Variants in JMJD1C observed in about 807,000 individuals in gnomAD.
The protein encoded by JMJD1C is jumonji domain-containing protein 1C.
A neutral mutation model predicts 245.3 loss-of-function variants in JMJD1C; 31 were observed. The ratio of observed to expected loss-of-function variants is 0.13; its 90% CI spans 0.09 to 0.17. The LOEUF (loss-of-function observed/expected upper bound fraction) is 0.17, where lower values mean the gene tolerates loss of function less well. Among genes scored for constraint, JMJD1C ranks in the 10% least tolerant of loss-of-function variants. The probability of loss-of-function intolerance (pLI) is 1.00; values close to 1 mark genes in which losing one functional copy is unlikely to be tolerated. For missense variants in JMJD1C, 2,691 were observed against 3,000.2 expected (o/e 0.90, Z 2.41); for synonymous variants, 1,057 against 1,017.4 (o/e 1.04, Z -0.74).
intron 19 of JMJD1C, among the ~76,000 whole-genome samples, 189 bp from the exon 20 acceptor site, chr10:63,185,842 A>T (rs1844071496): frequency 6.6e-6 from 1 of 152,242 alleles, no homozygotes; most frequent in South Asian, 2.1e-4. Flanking sequence ...TTGTACATGA[A>T]TAGAATTCAT....
intron 1 of JMJD1C, among the ~76,000 whole-genome samples, chr10:63,418,191 C>T (rs1041001464): frequency 2.6e-5 from 4 of 152,138 alleles, no homozygotes; most frequent in Non-Finnish European, 5.9e-5. Context: ...ACTATAGTTT[C>T]TCATTCAGAA....
chr10:63,243,622 A>C (rs552898874), intron 3 of JMJD1C, among the ~76,000 whole-genome samples: 1 of 152,302 alleles, frequency 6.6e-6, no homozygotes, highest in African/African-American at 2.4e-5. Context: ...CAAAGGCAGA[A>C]ATACCCACCT....
chr10:63,282,304 G>A (rs1246256132), intron 2 of JMJD1C, among the ~76,000 whole-genome samples: 6 of 152,112 alleles, frequency 3.9e-5, no homozygotes, highest in African/African-American at 1.4e-4. Flanking sequence ...ATCTATTTTT[G>A]CATATTTAGA....
At chr10:63,192,258 T>TAA (rs10604690) in intron 16 of JMJD1C, among the ~76,000 whole-genome samples, 21 of 110,328 alleles carry the variant, frequency 1.9e-4, no homozygotes, top group African/African-American at 7.1e-4. Flanking sequence ...CTACAAAAAC[T>TAA]AAAAAAAAAA....
At chr10:63,306,388 C>A (rs1431936515) in intron 2 of JMJD1C, among the ~76,000 whole-genome samples, 1 of 152,184 alleles carries the variant, frequency 6.6e-6, no homozygotes, top group African/African-American at 2.4e-5. Context: ...CCGTGCCCAG[C>A]CAACAAAGTC....
intron 1 of JMJD1C, among the ~76,000 whole-genome samples, chr10:63,478,630 G>A (rs1456479585): frequency 3.3e-5 from 5 of 152,172 alleles, no homozygotes; most frequent in African/African-American, 1.2e-4. Flanking sequence ...GAGACAGCAA[G>A]CACAAGCTTC....
chr10:63,374,905 AGTAG>A (rs1946600709), intron 2 of JMJD1C, among the ~76,000 whole-genome samples: 2 of 144,584 alleles, frequency 1.4e-5, no homozygotes, highest in South Asian at 4.2e-4. Context: ...TATTAGTTCC[AGTAG>A]GCTTTGTTGT....
intron 10 of JMJD1C, 85 bp downstream of exon 10, chr10:63,206,510 G>T: frequency 1.9e-6 from 2 of 1,065,398 alleles, no homozygotes; most frequent in Non-Finnish European, 2.7e-6. Context: ...ATGCCTTTAA[G>T]CTCACTGATC....
intron 2 of JMJD1C, among the ~76,000 whole-genome samples, chr10:63,270,612 G>T (rs1317154058): frequency 5.9e-5 from 9 of 152,036 alleles, no homozygotes; most frequent in Admixed American, 4.6e-4. Flanking sequence ...GACTACAGGT[G>T]GGCATCACCA....
chr10:63,505,315 T>TC (rs1954685458), intron 1 of JMJD1C, among the ~76,000 whole-genome samples: 1 of 91,638 alleles, frequency 1.1e-5, no homozygotes, highest in Non-Finnish European at 2.0e-5. Context: ...AGAGTCCGTC[T>TC]CAAAAAAAAA....
chr10:63,222,812 G>C (rs1332783607), intron 3 of JMJD1C: 1 of 1,445,460 alleles, frequency 6.9e-7, no homozygotes, highest in Non-Finnish European at 9.7e-7. Context: ...ATTAATGATT[G>C]AGACAGATGC....
At chr10:63,472,532 G>C (rs1459197254) in intron 1 of JMJD1C, among the ~76,000 whole-genome samples, 1 of 151,626 alleles carries the variant, frequency 6.6e-6, no homozygotes, top group Admixed American at 6.6e-5. Flanking sequence ...GGGTTTCACT[G>C]TGTTGGCCAG....
chr10:63,215,293 C>G lies in JMJD1C; in HGVS notation c.985G>C (p.Glu329Gln). The G allele has an allele frequency of 7.5e-6, 12 of 1,607,192 alleles. No individual in the cohort carries two copies. Among genetic ancestry groups the G allele is most frequent in the Non-Finnish European group, 1.0e-5 (12 of 1,175,226 alleles). The change falls in exon 7 of 26, where the codon GAG becomes CAG. Residue 329 changes from glutamate (E) to glutamine (Q), a missense_variant. This residue lies in a region of JMJD1C where 1,562 missense variants were observed against 1,490.7 expected (regional missense o/e 1.05). Coordinates refer to ENST00000399262, the MANE Select transcript of JMJD1C (RefSeq NM_032776.3). ...CGTGATATATAATCATATTTTTCCT[C>G]CTTCATCTTCTCTTCATCTGGTATA... ...SSIPDEEKMK[E>Q]EKYDYISRGE... is the part of the protein sequence containing the mutation.
chr10:63,252,570 G>C (rs1853237210), intron 3 of JMJD1C, among the ~76,000 whole-genome samples: 2 of 152,144 alleles, frequency 1.3e-5, no homozygotes, highest in East Asian at 1.9e-4. Flanking sequence ...ACAATTCCAA[G>C]AGCCAATCAA....
intron 2 of JMJD1C, among the ~76,000 whole-genome samples, chr10:63,326,906 G>A (rs1458865759): frequency 6.6e-6 from 1 of 152,092 alleles, no homozygotes; most frequent in Admixed American, 6.6e-5. Flanking sequence ...AAAACCAGGG[G>A]CTGGGCATGG....
chr10:63,180,859 C>G (rs1843391765), intron 22 of JMJD1C, among the ~76,000 whole-genome samples: 1 of 151,390 alleles, frequency 6.6e-6, no homozygotes, highest in South Asian at 2.1e-4. Flanking sequence ...AGCTCCGCCT[C>G]CCGGGTTCAC....
rs10995466 is a variant in JMJD1C, at chr10:63,239,188, C to T, written c.448-19205G>A. Among the ~76,000 whole-genome samples the T allele has an allele frequency of 6.6e-3, 1,010 of 152,172 alleles. 12 individuals are homozygous for T. Among genetic ancestry groups the T allele is most frequent in the African/African-American group, 0.023 (935 of 41,500 alleles). On this transcript the variant is annotated intron_variant, in intron 3 of 25. Transcript: ENST00000399262. ...TCTTTCAGACAGAGGAAAATTCATA[C>T]GCAAGAATAGATGGGTGAAACAATA...
chr10:63,242,697 G>T (rs1351513795), intron 3 of JMJD1C, among the ~76,000 whole-genome samples: 1 of 152,184 alleles, frequency 6.6e-6, no homozygotes, highest in African/African-American at 2.4e-5. Context: ...CTGCACTCCA[G>T]CCTGGGCAAC....
intron 1 of JMJD1C, among the ~76,000 whole-genome samples, chr10:63,477,642 A>T (rs1368674725): frequency 6.6e-6 from 1 of 152,108 alleles, no homozygotes; most frequent in Non-Finnish European, 1.5e-5. Flanking sequence ...TCTCAACGTA[A>T]AATATAAAGC....
Sources: allele counts gnomAD v4.1 joint callset (sites outside exome capture counted in the v4.1 genomes callset), GRCh38; gene constraint gnomAD v4.1.1; regional missense constraint gnomAD v4.1.1; transcripts MANE v1.5; gene names NCBI Gene and HGNC (gene_info 2026-07-23, HGNC 2026-07-21).